Variants in FYN observed in about 807,000 individuals in gnomAD.
The protein encoded by FYN is tyrosine-protein kinase Fyn.
In FYN, 10 loss-of-function variants were observed where a neutral mutation model predicts 70.2. The ratio of observed to expected loss-of-function variants is 0.14; its 90% CI spans 0.09 to 0.24. The LOEUF (loss-of-function observed/expected upper bound fraction) is 0.24, where lower values mean the gene tolerates loss of function less well. Ranked by LOEUF, FYN falls within the 10% of genes least tolerant of loss-of-function variation. The probability of loss-of-function intolerance (pLI) is 1.00; values close to 1 mark genes in which losing one functional copy is unlikely to be tolerated. For missense variants in FYN, 319 were observed against 673.1 expected (o/e 0.47, Z 5.82); for synonymous variants, 236 against 248.6 (o/e 0.95, Z 0.48).
At chr6:111,755,807 A>C (rs912590558) in intron 3 of FYN, among the ~76,000 whole-genome samples, 2 of 152,194 alleles carry the variant, frequency 1.3e-5, no homozygotes, top group East Asian at 3.8e-4. Flanking sequence ...TATGGTAATT[A>C]CAACATTCTT....
intron 13 of FYN, among the ~76,000 whole-genome samples, chr6:111,665,776 T>C (rs890085547): frequency 6.6e-6 from 1 of 151,162 alleles, no homozygotes; most frequent in African/African-American, 2.4e-5. Flanking sequence ...TGCATGCCAC[T>C]ACACCTGGCT....
intron 2 of FYN, among the ~76,000 whole-genome samples, chr6:111,786,180 G>A (rs1340553663): frequency 6.6e-6 from 1 of 151,864 alleles, no homozygotes; most frequent in East Asian, 1.9e-4. Context: ...ATTTACATTA[G>A]GTATATCTCC....
intron 12 of FYN, among the ~76,000 whole-genome samples, chr6:111,679,324 G>A (rs1263250056): frequency 6.6e-6 from 1 of 152,124 alleles, no homozygotes; most frequent in Non-Finnish European, 1.5e-5. Context: ...CCTCTTTGTA[G>A]TTGTCACTAC....
intron 13 of FYN, among the ~76,000 whole-genome samples, chr6:111,673,622 G>GTTTTTTTTTTTTTTTTTTTTTTTTTT (rs71021858): frequency 6.0e-5 from 7 of 116,558 alleles, no homozygotes; most frequent in Non-Finnish European, 6.8e-5. Context: ...TTCTATCATT[G>GTTTTTTTTTTTTTTTTTTTTTTTTTT]TTTTTTTTTT....
At chr6:111,872,397 G>A (rs937933340) in intron 1 of FYN, among the ~76,000 whole-genome samples, 4 of 130,640 alleles carry the variant, frequency 3.1e-5, no homozygotes, top group African/African-American at 1.1e-4. Context: ...GGGGAAAGGG[G>A]AAGGGTGGGT....
chr6:111,859,444 T>C (rs1385933868), intron 1 of FYN, among the ~76,000 whole-genome samples: 1 of 152,200 alleles, frequency 6.6e-6, no homozygotes, highest in Non-Finnish European at 1.5e-5. Context: ...GTTTAGTGGC[T>C]GGCTGAATTT....
rs556315281 is a variant in FYN at position 111,715,799 on chromosome 6, C to T, written c.248-1356G>A. Among the ~76,000 whole-genome samples the T allele has an allele frequency of 2.0e-5, 3 of 152,232 alleles. No homozygotes were observed. In the East Asian group the frequency reaches 5.8e-4, roughly 29 times the overall value. On this transcript the variant is annotated intron_variant, in intron 4 of 13. Transcript: ENST00000354650. Reference sequence around the variant, plus strand: ...ATTCTGAAGGACCGAACTGACCATTCGCAGATTCCTGACCCACAGAAACTG... The same window carrying T: ...ATTCTGAAGGACCGAACTGACCATTTGCAGATTCCTGACCCACAGAAACTG...
Position 111,680,527 on chromosome 6 carries a change from T to C in FYN, c.1274-5897A>G, listed in dbSNP as rs1375844377. On this transcript the variant is annotated intron_variant, in intron 12 of 13. Coordinates refer to ENST00000354650, the MANE Select transcript of FYN (RefSeq NM_002037.5). ...TCCCACGTCGTTCTTTCCCCTTGTC[T>C]TTTAAAACATGGAAGATAACACATC... Among the ~76,000 whole-genome samples the C allele has an allele frequency of 4.6e-5, 7 of 152,354 alleles. No individual in the cohort carries two copies. The East Asian group carries it at 1.3e-3, about 29-fold the overall frequency.
At chr6:111,723,303 G>T (rs1046868568) in intron 3 of FYN, among the ~76,000 whole-genome samples, 3 of 151,860 alleles carry the variant, frequency 2.0e-5, no homozygotes, top group Non-Finnish European at 4.4e-5. Context: ...TTTTTTAACT[G>T]CTGCATCTTG....
intron 2 of FYN, among the ~76,000 whole-genome samples, chr6:111,823,154 G>A (rs1772725803): frequency 6.6e-6 from 1 of 152,222 alleles, no homozygotes; most frequent in African/African-American, 2.4e-5. Flanking sequence ...TGCATTTGCA[G>A]TGACTAACAG....
chr6:111,777,304 G>A (rs1770989555), intron 3 of FYN, among the ~76,000 whole-genome samples: 5 of 151,806 alleles, frequency 3.3e-5, no homozygotes, highest in African/African-American at 4.9e-5. Context: ...TTTTCTGAAC[G>A]AATTTAAGTT....
intron 1 of FYN, among the ~76,000 whole-genome samples, chr6:111,868,574 C>T (rs2114540385): frequency 6.6e-6 from 1 of 152,300 alleles, no homozygotes; most frequent in South Asian, 2.1e-4. Context: ...TTATATTTCT[C>T]ATCAACCAAA....
chr6:111,701,996 G>T (rs1041567523), intron 8 of FYN, among the ~76,000 whole-genome samples: 2 of 152,172 alleles, frequency 1.3e-5, no homozygotes, highest in African/African-American at 4.8e-5. Context: ...AGCAATAGTA[G>T]AGGTAAATCA....
intron 2 of FYN, among the ~76,000 whole-genome samples, chr6:111,839,177 T>C (rs1773278487): frequency 6.6e-6 from 1 of 152,136 alleles, no homozygotes; most frequent in African/African-American, 2.4e-5. Flanking sequence ...ATAGAAGAGT[T>C]TCCTCTGTAC....
intron 7 of FYN, 75 bp from the exon 8 acceptor site, chr6:111,703,109 ACT>A (rs1583331677): frequency 4.3e-6 from 6 of 1,389,582 alleles, no homozygotes; most frequent in Non-Finnish European, 6.0e-6. Context: ...CATTTTCTTG[ACT>A]CTGATTAATA....
chr6:111,759,325 CAAT>C (rs1802897982), intron 3 of FYN, among the ~76,000 whole-genome samples: 1 of 152,174 alleles, frequency 6.6e-6, no homozygotes, highest in African/African-American at 2.4e-5. Context: ...CTTTTCCTGA[CAAT>C]GATTTTGTCA....
chr6:111,755,550 C>G (rs1382361731), intron 3 of FYN, among the ~76,000 whole-genome samples: 1 of 152,156 alleles, frequency 6.6e-6, no homozygotes, highest in Non-Finnish European at 1.5e-5. Context: ...TCTGTCCCCA[C>G]AGCCCCCATC....
At chr6:111,757,863 GC>G (rs2128491954) in intron 3 of FYN, among the ~76,000 whole-genome samples, 1 of 152,324 alleles carries the variant, frequency 6.6e-6, no homozygotes, top group East Asian at 1.9e-4. Context: ...CGGCATGGGG[GC>G]CTGGTCAGCT....
chr6:111,674,605 C>A lies in FYN; in HGVS notation c.1299G>T (p.Thr433=). 6.2e-7 allele frequency: 1 copy of A among 1,613,492 alleles called. No individual in the cohort carries two copies. Among genetic ancestry groups the A allele is most frequent in the African/African-American group, 1.3e-5 (1 of 75,004 alleles). The stretch of plus-strand genomic sequence containing the variant: ...TCCCGTACAGGGCTGCCTCGGGGGC[C>A]GTCCACTTGATGGGGAACTTTGCAC... The part of the protein sequence containing the change: ...RQGAKFPIKW[T]APEAALYGRF... Residue 433 remains threonine (T), a synonymous_variant, in exon 13 of 14, where the codon ACG becomes ACT. Transcript: ENST00000354650.
Sources: gnomAD v4.1 joint callset for allele counts (sites outside exome capture counted in the v4.1 genomes callset) on GRCh38, gnomAD v4.1.1 for gene constraint, MANE v1.5 for transcripts, NCBI Gene and HGNC (gene_info 2026-07-23, HGNC 2026-07-21) for gene names.